Variants in HMCN1 observed in about 807,000 individuals in gnomAD.
The protein encoded by HMCN1 is hemicentin 1.
HMCN1 carries 321 observed loss-of-function variants against 625.9 expected under a neutral mutation model. The observed-to-expected ratio is 0.51, with a 90% CI of 0.47 to 0.56. The LOEUF is 0.56. Ranked by LOEUF, HMCN1 falls within the 20% of genes least tolerant of loss-of-function variation. The pLI, the probability that HMCN1 is intolerant of heterozygous loss-of-function variation, is 0.00. For missense variants in HMCN1, 6,588 were observed against 6,887.3 expected (o/e 0.96, Z 1.54); for synonymous variants, 2,425 against 2,417.6 (o/e 1.00, Z -0.09).
chr1:186,167,727 G>C (rs182441084), intron 100 of HMCN1, among the ~76,000 whole-genome samples: 4 of 152,228 alleles, frequency 2.6e-5, no homozygotes, highest in Middle Eastern at 3.4e-3. Flanking sequence ...CATATAGTTG[G>C]AATCATACAA....
chr1:186,055,637 A>G lies in HMCN1; in HGVS notation c.7107A>G (p.Ala2369=), dbSNP rs1465311417. 6.2e-7 allele frequency: 1 copy of G among 1,612,644 alleles called. No homozygotes were observed. Among genetic ancestry groups the G allele is most frequent in the Non-Finnish European group, 8.5e-7 (1 of 1,179,088 alleles). ...ATGTGTGTGTTGCTGTGAATGTAGC[A>G]GGAATGACTGACAAAAAATATGACT... is the stretch of plus-strand genomic sequence containing the variant. The part of the protein sequence containing the change: ...GRYVCVAVNV[A]GMTDKKYDLS... The change falls in exon 45 of 107, where the codon GCA becomes GCG. Residue 2369 remains alanine, a synonymous_variant. Transcript: ENST00000271588.
In HMCN1 at chr1:186,112,828, G is replaced by T; in HGVS notation, c.11006G>T (p.Arg3669Leu). 6.2e-7 allele frequency: 1 copy of T among 1,614,152 alleles called. No individual in the cohort carries two copies. The highest frequency in any genetic ancestry group is 8.5e-7 in the Non-Finnish European group (1 of 1,180,010). ...TGAATCCAGGCAACACCTCGAGTGCGAATCCTATCTGGAGGGAGATACTTG... is the reference window on the plus strand; with the variant it reads ...TGAATCCAGGCAACACCTCGAGTGCTAATCCTATCTGGAGGGAGATACTTG... Reference protein sequence around the residue: ...GERLQATPRVRILSGGRYLQI... With the variant: ...GERLQATPRVLILSGGRYLQI... The change falls in exon 72 of 107, where the codon CGA (arginine) becomes CTA (leucine). Residue 3669 changes from arginine to leucine, a missense_variant. This residue lies in a region of HMCN1 where 4,628 missense variants were observed against 4,853.1 expected (regional missense o/e 0.95). Coordinates refer to ENST00000271588, the MANE Select transcript of HMCN1 (RefSeq NM_031935.3).
intron 4 of HMCN1, among the ~76,000 whole-genome samples, chr1:185,898,628 A>G (rs1030958887): frequency 1.3e-5 from 2 of 152,154 alleles, no homozygotes; most frequent in Non-Finnish European, 1.5e-5. Context: ...CATCCAAGCA[A>G]CAAATCCTAG....
intron 2 of HMCN1, among the ~76,000 whole-genome samples, chr1:185,847,633 A>T (rs1027096525): frequency 4.6e-5 from 7 of 152,072 alleles, no homozygotes; most frequent in Non-Finnish European, 1.0e-4. Flanking sequence ...ACACTATCAA[A>T]CTGTTTCTCT....
chr1:186,081,284 G>A lies in HMCN1; in HGVS notation c.8677G>A (p.Glu2893Lys). Residue 2893 changes from glutamate to lysine, a missense_variant, in exon 56 of 107, where the codon GAG becomes AAG. Transcript: ENST00000271588. Reference sequence around the variant, plus strand: ...GCTGGTGAACAAGAGTGCACTGATAGAGTGTTTATCCAGTGGCAGCCCAGC... The same window carrying A: ...GCTGGTGAACAAGAGTGCACTGATAAAGTGTTTATCCAGTGGCAGCCCAGC... The part of the protein sequence containing the change: ...TVLVNKSALI[E>K]CLSSGSPAPR... 2 of 1,613,236 alleles carry A rather than the reference G, an allele frequency of 1.2e-6. No individual in the cohort carries two copies. Among genetic ancestry groups the A allele is most frequent in the South Asian group, 1.1e-5 (1 of 91,062 alleles).
At chr1:186,031,631 G>T (rs1655446260) in intron 36 of HMCN1, among the ~76,000 whole-genome samples, 1 of 150,988 alleles carries the variant, frequency 6.6e-6, no homozygotes, top group East Asian at 1.9e-4. Context: ...CTCTCCTCTG[G>T]TACTCCCATT....
intron 1 of HMCN1, among the ~76,000 whole-genome samples, chr1:185,809,502 T>G (rs2102242233): frequency 6.6e-6 from 1 of 151,712 alleles, no homozygotes; most frequent in Admixed American, 6.6e-5. Flanking sequence ...ACTAGAAATT[T>G]CTAGGCATAA....
intron 102 of HMCN1, among the ~76,000 whole-genome samples, chr1:186,172,671 T>C (rs1382904275): frequency 6.6e-6 from 1 of 152,188 alleles, no homozygotes; most frequent in Non-Finnish European, 1.5e-5. Flanking sequence ...GTCTAGGCTG[T>C]ACCAGCCTGG....
chr1:186,060,470 A>G (rs1657613653), intron 46 of HMCN1, among the ~76,000 whole-genome samples: 1 of 151,930 alleles, frequency 6.6e-6, no homozygotes, highest in African/African-American at 2.4e-5. Context: ...GTTTCATCTC[A>G]TTTGTTGGCT....
intron 48 of HMCN1, among the ~76,000 whole-genome samples, chr1:186,063,405 G>A (rs1657881396): frequency 7.0e-6 from 1 of 143,808 alleles, no homozygotes. Flanking sequence ...AAGAAAGAGG[G>A]AGTGGGGAGG....
chr1:185,997,306 A>C (rs960493667), intron 24 of HMCN1, 123 bp from the exon 25 acceptor site: 64 of 718,750 alleles, frequency 8.9e-5, no homozygotes, highest in South Asian at 4.2e-4. Flanking sequence ...GGAAATAGGA[A>C]TCATATTTAA....
At chr1:186,178,201 TA>T (rs1048933663) in intron 103 of HMCN1, among the ~76,000 whole-genome samples, 1 of 152,156 alleles carries the variant, frequency 6.6e-6, no homozygotes, top group Non-Finnish European at 1.5e-5. Flanking sequence ...ATATAGTATT[TA>T]GGGGGAGATT....
intron 82 of HMCN1, among the ~76,000 whole-genome samples, 187 bp from the exon 83 acceptor site, chr1:186,127,891 T>A (rs1571391143): frequency 6.6e-6 from 1 of 152,184 alleles, no homozygotes; most frequent in Non-Finnish European, 1.5e-5. Context: ...TGGGCTTATG[T>A]TTAAACTTCT....
chr1:185,919,566 C>T (rs1254193365), intron 6 of HMCN1, among the ~76,000 whole-genome samples: 1 of 152,200 alleles, frequency 6.6e-6, no homozygotes, highest in Non-Finnish European at 1.5e-5. Flanking sequence ...TTCTCTGCTT[C>T]TTTCCTCTGG....
In HMCN1 at chr1:185,875,139, G is replaced by GA. The variant is rs768095418; in HGVS notation, c.621+9281dup. 3.8e-4 allele frequency among the ~76,000 whole-genome samples: 57 copies of GA among 151,978 alleles called. 1 individual carries two copies. The highest frequency in any genetic ancestry group is 4.3e-4 in the Non-Finnish European group (29 of 67,866). ...TATGTATGCATATTTCTAGACAAATGAAAAAGTCATACCTAAAAATGTTGA... is the reference window on the plus strand; with the variant it reads ...TATGTATGCATATTTCTAGACAAATGAAAAAAGTCATACCTAAAAATGTTGA... On this transcript the variant is annotated intron_variant, in intron 4 of 106. Coordinates refer to ENST00000271588, the MANE Select transcript of HMCN1 (RefSeq NM_031935.3).
intron 33 of HMCN1, among the ~76,000 whole-genome samples, chr1:186,017,656 G>A (rs985424300): frequency 3.9e-5 from 6 of 151,960 alleles, no homozygotes. Flanking sequence ...AAAATATAAT[G>A]CTATATGATT....
intron 104 of HMCN1, 69 bp from the exon 105 acceptor site, chr1:186,182,099 G>A (rs4483367): frequency 6.4e-7 from 1 of 1,571,768 alleles, no homozygotes; most frequent in Non-Finnish European, 8.7e-7. Flanking sequence ...AACTTGATGA[G>A]AGTTGGCTCT....
intron 1 of HMCN1, among the ~76,000 whole-genome samples, chr1:185,762,892 A>G (rs534109797): frequency 1.1e-3 from 162 of 152,280 alleles, no homozygotes; most frequent in African/African-American, 3.0e-3. Flanking sequence ...CTTTTGTCCA[A>G]TGCTATTGTC....
intron 1 of HMCN1, among the ~76,000 whole-genome samples, chr1:185,830,685 G>C (rs541940593): frequency 1.3e-5 from 2 of 151,926 alleles, no homozygotes; most frequent in Non-Finnish European, 2.9e-5. Context: ...CCAGGAGTTC[G>C]AGACCACACT....
Sources: allele counts gnomAD v4.1 joint callset (sites outside exome capture counted in the v4.1 genomes callset), GRCh38; gene constraint gnomAD v4.1.1; regional missense constraint gnomAD v4.1.1; transcripts MANE v1.5; gene names NCBI Gene and HGNC (gene_info 2026-07-23, HGNC 2026-07-21).